PCDHA2: variants seen among roughly 807,000 people sequenced by gnomAD.
The protein encoded by PCDHA2 is protocadherin alpha-2.
PCDHA2 carries 58 observed loss-of-function variants against 66.0 expected under a neutral mutation model. The observed-to-expected ratio is 0.88, with a 90% CI of 0.71 to 1.09. PCDHA2 has a LOEUF of 1.09. Among genes scored for constraint, PCDHA2 ranks in the 50% least tolerant of loss-of-function variants. PCDHA2 has a pLI of 0.00. For synonymous variants in PCDHA2, 634 were observed against 554.0 expected (o/e 1.14, Z -2.03); for missense variants, 1,267 against 1,242.3 (o/e 1.02, Z -0.30).
chr5:140,866,287 C>T (rs1396371419), intron 1 of PCDHA2: 1 of 152,074 alleles, frequency 6.6e-6, no homozygotes, highest in Non-Finnish European at 1.5e-5. Flanking sequence ...GTGTTTGGGA[C>T]AAGTATAGAT....
intron 1 of PCDHA2, chr5:140,927,052 A>G: frequency 6.2e-7 from 1 of 1,611,924 alleles, no homozygotes; most frequent in Middle Eastern, 1.7e-4. Flanking sequence ...GTCCTCGCGG[A>G]ACTTTCGCTT....
intron 1 of PCDHA2, among the ~76,000 whole-genome samples, chr5:140,911,032 A>G (rs2075293448): frequency 6.6e-6 from 1 of 152,092 alleles, no homozygotes; most frequent in African/African-American, 2.4e-5. Flanking sequence ...TTATAGGTCT[A>G]GAAGCAAACA....
At position 140,929,021 on chromosome 5, in the gene PCDHA2, G is replaced by C. The variant is rs782118774; in HGVS notation, c.2389-49928G>C. On this transcript the variant is annotated intron_variant, in intron 1 of 3. Coordinates refer to ENST00000526136, the MANE Select transcript of PCDHA2 (RefSeq NM_018905.3). ...TTCGTGTGTACCAAGTTGCACCAGA[G>C]CCCAGGCTGTTGCGCTCAGAGCTGC... is the stretch of plus-strand genomic sequence containing the variant. The C allele has an allele frequency of 2.5e-6, 4 of 1,614,072 alleles. No individual in the cohort carries two copies. The African/African-American group carries it at 5.3e-5, about 22-fold the overall frequency.
At chr5:140,872,364 G>A (rs538641401) in intron 1 of PCDHA2, among the ~76,000 whole-genome samples, 1 of 152,132 alleles carries the variant, frequency 6.6e-6, no homozygotes, top group South Asian at 2.1e-4. Context: ...AAGTGGTTCA[G>A]GCCTGTAATC....
chr5:140,864,277 T>C (rs1203382304), intron 1 of PCDHA2: 1 of 152,228 alleles, frequency 6.6e-6, no homozygotes, highest in African/African-American at 2.4e-5. Context: ...CTCCATTCCT[T>C]ATTGTTTTTA....
rs782195065 is a variant in PCDHA2 at position 140,808,655 on chromosome 5, G to T, written c.2388+11303G>T. 8 of 1,613,096 alleles carry T rather than the reference G, an allele frequency of 5.0e-6. No individual in the cohort carries two copies. In the South Asian group the frequency reaches 8.8e-5, roughly 18 times the overall value. On this transcript the variant is annotated intron_variant, in intron 1 of 3. Transcript: ENST00000526136. ...CGCGGACGCGCAGGAGAACGCGCTGGTGTCCTACTCGCTGGTAGAGCGGCG... is the reference window on the plus strand; with the variant it reads ...CGCGGACGCGCAGGAGAACGCGCTGTTGTCCTACTCGCTGGTAGAGCGGCG...
intron 3 of PCDHA2, among the ~76,000 whole-genome samples, chr5:140,986,469 T>G (rs2097202307): frequency 6.6e-6 from 1 of 152,214 alleles, no homozygotes; most frequent in Non-Finnish European, 1.5e-5. Context: ...TGCCCTCTTG[T>G]GATCAGTTCC....
chr5:141,003,654 A>G (rs1451170896), intron 3 of PCDHA2, among the ~76,000 whole-genome samples: 1 of 152,212 alleles, frequency 6.6e-6, no homozygotes, highest in Non-Finnish European at 1.5e-5. Flanking sequence ...ATCTGTATGC[A>G]TTTATTAAAA....
chr5:140,989,215 C>T (rs1162430361), intron 3 of PCDHA2, among the ~76,000 whole-genome samples: 1 of 152,108 alleles, frequency 6.6e-6, no homozygotes, highest in Non-Finnish European at 1.5e-5. Flanking sequence ...CTTTATACAC[C>T]ATTCTTTGTA....
chr5:141,001,461 C>G (rs2098019350), intron 3 of PCDHA2, among the ~76,000 whole-genome samples: 1 of 152,214 alleles, frequency 6.6e-6, no homozygotes, highest in South Asian at 2.1e-4. Context: ...AATTGAAGGA[C>G]TAAGCAGCAG....
At chr5:140,868,281 T>G (rs2050378347) in intron 1 of PCDHA2, 1 of 152,066 alleles carries the variant, frequency 6.6e-6, no homozygotes, top group Non-Finnish European at 1.5e-5. Flanking sequence ...AACTACCAAG[T>G]TTGAGAATAT....
intron 1 of PCDHA2, chr5:140,825,004 C>T (rs1554130121): frequency 6.6e-6 from 1 of 151,952 alleles, no homozygotes; most frequent in East Asian, 1.9e-4. Context: ...ACATGGTTTA[C>T]TGTTCTAAAG....
intron 1 of PCDHA2, among the ~76,000 whole-genome samples, chr5:140,941,368 G>A (rs2093051755): frequency 7.3e-6 from 1 of 136,646 alleles, no homozygotes; most frequent in Non-Finnish European, 1.5e-5. Context: ...CTAGGCTGGA[G>A]TGTAGTGACA....
intron 1 of PCDHA2, among the ~76,000 whole-genome samples, chr5:140,889,615 T>C (rs1261276866): frequency 6.6e-6 from 1 of 152,184 alleles, no homozygotes; most frequent in Non-Finnish European, 1.5e-5. Flanking sequence ...ATTATACTGA[T>C]TCATTTCTCT....
Position 140,967,485 on chromosome 5 carries a change from C to T in PCDHA2, c.2389-11464C>T, listed in dbSNP as rs781948599. 7 of 1,613,056 alleles carry T rather than the reference C, an allele frequency of 4.3e-6. No individual in the cohort carries two copies. The South Asian group carries it at 5.5e-5, about 13-fold the overall frequency. On this transcript the variant is annotated intron_variant, in intron 1 of 3. Coordinates refer to ENST00000526136, the MANE Select transcript of PCDHA2 (RefSeq NM_018905.3). ...GGGGGCATCCCAGCCCGCTCGGGTA[C>T]GGCACAGATCTCTGTGCGTGTCCTG...
chr5:140,803,120 C>T (rs1554122582), intron 1 of PCDHA2: 2 of 1,613,774 alleles, frequency 1.2e-6, no homozygotes, highest in Admixed American at 1.7e-5. Flanking sequence ...ACGAGGTGGA[C>T]GCCCCGCGCC....
At chr5:140,966,865 G>T (rs1554228807) in intron 1 of PCDHA2, 4 of 1,565,172 alleles carry the variant, frequency 2.6e-6, no homozygotes, top group Non-Finnish European at 1.7e-6. Context: ...TGCTGTTGCT[G>T]CTGCTGCTAC....
At chr5:140,902,761 G>A (rs58783050) in intron 1 of PCDHA2, among the ~76,000 whole-genome samples, 3,599 of 148,306 alleles carry the variant, frequency 0.024, 139 homozygotes, top group African/African-American at 0.083. Flanking sequence ...TCATTCTTAT[G>A]TCTTTGCATT....
chr5:140,873,262 G>T (rs1196053156), intron 1 of PCDHA2, among the ~76,000 whole-genome samples: 1 of 152,136 alleles, frequency 6.6e-6, no homozygotes, highest in Non-Finnish European at 1.5e-5. Context: ...ACTCAAAAGT[G>T]ATTAAACCAT....
Sources: allele counts gnomAD v4.1 joint callset (sites outside exome capture counted in the v4.1 genomes callset), GRCh38; gene constraint gnomAD v4.1.1; transcripts MANE v1.5; gene names NCBI Gene and HGNC (gene_info 2026-07-23, HGNC 2026-07-21).